The following ESR1 variants were observed in gnomAD, a reference collection of about 807,000 sequenced individuals.
ESR1 encodes estrogen receptor 1.
ESR1 carries 12 observed loss-of-function variants against 52.7 expected under a neutral mutation model. The observed-to-expected ratio is 0.23, with a 90% CI of 0.15 to 0.37. The LOEUF (loss-of-function observed/expected upper bound fraction) is 0.37, where lower values mean the gene tolerates loss of function less well. ESR1 is among the 10% of genes least tolerant of loss of function. The pLI, the probability that ESR1 is intolerant of heterozygous loss-of-function variation, is 1.00. For missense variants in ESR1, 584 were observed against 779.7 expected, an observed-to-expected ratio of 0.75 and a Z score of 2.99; for synonymous variants, 305 against 316.8, an observed-to-expected ratio of 0.96 and a Z score of 0.39.
intron 2 of ESR1, among the ~76,000 whole-genome samples, chr6:151,798,588 T>A (rs1252574398): frequency 2.6e-5 from 4 of 152,258 alleles, no homozygotes; most frequent in Admixed American, 2.6e-4. Flanking sequence ...TTTCCAGTTC[T>A]TTTAAAAGGC....
intron 5 of ESR1, among the ~76,000 whole-genome samples, chr6:152,048,204 A>G (rs557467323): frequency 6.6e-6 from 1 of 151,840 alleles, no homozygotes; most frequent in South Asian, 2.1e-4. Context: ...CCCCGTCTCT[A>G]TTAAAAATAC....
upstream of ESR1, among the ~76,000 whole-genome samples, chr6:151,689,367 C>T (rs1438215948): frequency 6.6e-6 from 1 of 152,084 alleles, no homozygotes; most frequent in Non-Finnish European, 1.5e-5. Flanking sequence ...ATGATTATTC[C>T]TTGTGTAAGT....
chr6:152,112,340 A>G (rs2051155353), intron 6 of ESR1, among the ~76,000 whole-genome samples: 1 of 152,236 alleles, frequency 6.6e-6, no homozygotes, highest in Non-Finnish European at 1.5e-5. Context: ...GTTAAAATAG[A>G]TGCCCTTTCA....
chr6:151,957,443 G>A (rs1016840362), intron 4 of ESR1, among the ~76,000 whole-genome samples: 1 of 152,022 alleles, frequency 6.6e-6, no homozygotes, highest in Non-Finnish European at 1.5e-5. Context: ...CTTTTCACTT[G>A]TATTTTGTGA....
chr6:151,940,175 T>G (rs989214931), intron 3 of ESR1, among the ~76,000 whole-genome samples: 1 of 152,128 alleles, frequency 6.6e-6, no homozygotes, highest in South Asian at 2.1e-4. Context: ...GCAAGGGAAC[T>G]GCCCTGTATG....
intron 4 of ESR1, among the ~76,000 whole-genome samples, chr6:151,956,172 T>C (rs2036888448): frequency 6.6e-6 from 1 of 152,202 alleles, no homozygotes; most frequent in African/African-American, 2.4e-5. Context: ...TTGTGAATAG[T>C]GCTGTAATGA....
chr6:152,023,602 A>G (rs2043873979), intron 5 of ESR1, among the ~76,000 whole-genome samples: 1 of 152,352 alleles, frequency 6.6e-6, no homozygotes, highest in Non-Finnish European at 1.5e-5. Flanking sequence ...TCTTTTCTAC[A>G]TCAAAAATGT....
intron 2 of ESR1, among the ~76,000 whole-genome samples, chr6:151,733,366 T>C (rs1222289153): frequency 1.3e-5 from 2 of 152,340 alleles, no homozygotes; most frequent in East Asian, 1.9e-4. Flanking sequence ...ATCAGTGTCA[T>C]GTCCATTCCC....
chr6:151,671,217 G>A (rs990930049), intron 1 of ESR1, among the ~76,000 whole-genome samples: 2 of 152,068 alleles, frequency 1.3e-5, no homozygotes, highest in Admixed American at 1.3e-4. Context: ...AGTGTCAAAG[G>A]TTTCTCTGCA....
chr6:151,825,210 G>C (rs1032105536), intron 1 of ESR1, among the ~76,000 whole-genome samples: 6 of 152,062 alleles, frequency 3.9e-5, no homozygotes, highest in African/African-American at 1.4e-4. Context: ...CAACACTTTG[G>C]GGGTGGCTGC....
intron 1 of ESR1, among the ~76,000 whole-genome samples, chr6:151,677,866 C>T (rs1778305005): frequency 6.6e-6 from 1 of 152,182 alleles, no homozygotes; most frequent in Non-Finnish European, 1.5e-5. Context: ...TTTATTTTCT[C>T]AAATGCTGAA....
At chr6:151,752,118 C>A (rs1044423550) in intron 2 of ESR1, among the ~76,000 whole-genome samples, 1 of 152,098 alleles carries the variant, frequency 6.6e-6, no homozygotes, top group Non-Finnish European at 1.5e-5. Flanking sequence ...GGCGAGGAAG[C>A]CCCACAGCAA....
chr6:151,890,087 T>A (rs551544939), intron 3 of ESR1, among the ~76,000 whole-genome samples: 6 of 151,978 alleles, frequency 3.9e-5, no homozygotes, highest in African/African-American at 1.4e-4. Context: ...ACTGTTTTTT[T>A]TCTTTTTTTT....
chr6:151,883,059 C>A (rs1344187555), intron 3 of ESR1, among the ~76,000 whole-genome samples: 5 of 151,910 alleles, frequency 3.3e-5, no homozygotes, highest in African/African-American at 1.2e-4. Context: ...AATTTTCTCC[C>A]AATTCTGGAA....
At position 152,053,787 on chromosome 6, in the gene ESR1, C is replaced by A. The variant is rs1206601384; in HGVS notation, c.1236-7204C>A. Among the ~76,000 whole-genome samples, 1 of 152,060 alleles carries A rather than the reference C, an allele frequency of 6.6e-6. No homozygotes were observed. The highest frequency in any genetic ancestry group is 6.6e-5 in the Admixed American group (1 of 15,240). On this transcript the variant is annotated intron_variant, in intron 5 of 7. Transcript: ENST00000206249. The surrounding 1 kb of genome is among the most constrained non-coding windows in gnomAD (Gnocchi z 4.1). ...ATGGAGGCCGTGTAAATTGGTATAA[C>A]CTTTTTGGAAGGCGTTTTGGCAATA...
intron 3 of ESR1, among the ~76,000 whole-genome samples, chr6:151,885,985 T>C (rs1793779388): frequency 6.6e-6 from 1 of 152,134 alleles, no homozygotes. Context: ...ATATCTTTTT[T>C]GTCTTAAAAA....
intron 2 of ESR1, among the ~76,000 whole-genome samples, chr6:151,785,241 T>C (rs966200650): frequency 3.9e-5 from 6 of 152,136 alleles, no homozygotes; most frequent in African/African-American, 1.4e-4. Context: ...CAGTGAAAGA[T>C]GAGCCTGGAG....
At chr6:152,009,875 T>C (rs1719857201) in intron 4 of ESR1, among the ~76,000 whole-genome samples, 1 of 152,156 alleles carries the variant, frequency 6.6e-6, no homozygotes, top group Non-Finnish European at 1.5e-5. Flanking sequence ...ATAGGACATA[T>C]CCATGCAATG....
chr6:151,796,339 G>A (rs1243545829), intron 2 of ESR1, among the ~76,000 whole-genome samples: 2 of 152,156 alleles, frequency 1.3e-5, no homozygotes, highest in Non-Finnish European at 2.9e-5. Flanking sequence ...GAATGTGTGT[G>A]TGTGTTTTCT....
Sources: gnomAD v4.1 joint callset for allele counts (sites outside exome capture counted in the v4.1 genomes callset) on GRCh38, gnomAD v4.1.1 for gene constraint, Gnocchi (gnomAD v3.1) non-coding constraint, MANE v1.5 for transcripts, NCBI Gene and HGNC (gene_info 2026-07-23, HGNC 2026-07-21) for gene names.